Variants in DIP2A observed in about 807,000 individuals in gnomAD.
The protein encoded by DIP2A is DIP2 acetate--CoA ligase A, also known as disco-interacting protein 2 homolog A.
Under a neutral mutation model 177.4 loss-of-function variants are expected in DIP2A, and 85 were observed. That is an observed-to-expected ratio of 0.48 (90% CI 0.40 to 0.57). DIP2A has a LOEUF of 0.57. DIP2A is among the 20% of genes least tolerant of loss of function. The probability of loss-of-function intolerance (pLI) is 0.00; values close to 1 mark genes in which losing one functional copy is unlikely to be tolerated. For missense variants in DIP2A, 1,791 were observed against 2,100.2 expected (o/e 0.85, Z 2.88); for synonymous variants, 886 against 881.8 (o/e 1.00, Z -0.08).
At chr21:46,550,497 A>G (rs1200379395) in intron 22 of DIP2A, 46 bp from the exon 23 acceptor site, 1 of 1,573,194 alleles carries the variant, frequency 6.4e-7, no homozygotes, top group Non-Finnish European at 8.6e-7. Context: ...GCATCTCCCC[A>G]GCCTCAAGTT....
At chr21:46,555,765 G>C in intron 28 of DIP2A, 1 of 566,356 alleles carries the variant, frequency 1.8e-6, no homozygotes, top group Non-Finnish European at 3.2e-6. Context: ...CACAGGCTCA[G>C]TGTGGTCTTG....
At chr21:46,497,344 A>C (rs2057413910) in intron 4 of DIP2A, among the ~76,000 whole-genome samples, 1 of 152,060 alleles carries the variant, frequency 6.6e-6, no homozygotes, top group South Asian at 2.1e-4. Flanking sequence ...TGTGGATCTT[A>C]ATTTCTTTTA....
chr21:46,546,656 G>A (rs934081753), intron 20 of DIP2A, among the ~76,000 whole-genome samples: 13 of 152,040 alleles, frequency 8.6e-5, no homozygotes, highest in Non-Finnish European at 1.8e-4. Context: ...CTTTCACATA[G>A]CCTGCCCCTT....
chr21:46,549,924 C>T (rs1452843199), intron 22 of DIP2A, 39 bp downstream of exon 22: 3 of 1,604,718 alleles, frequency 1.9e-6, no homozygotes, highest in African/African-American at 2.7e-5. Flanking sequence ...GGTGAATCTC[C>T]CAAGCTGGCA....
intron 23 of DIP2A, among the ~76,000 whole-genome samples, chr21:46,551,201 G>C (rs1440122780): frequency 6.6e-6 from 1 of 152,132 alleles, no homozygotes; most frequent in East Asian, 1.9e-4. Flanking sequence ...TTAGAGACTG[G>C]TTTAACTTTA....
At position 46,557,232 on chromosome 21, in the gene DIP2A, T is replaced by A; in HGVS notation, c.3629+163T>A. 1 of 758,244 alleles carries A rather than the reference T, an allele frequency of 1.3e-6. No individual in the cohort carries two copies. The highest frequency in any genetic ancestry group is 2.1e-6 in the Non-Finnish European group (1 of 486,230). 47.0% of individuals were successfully genotyped at this position (758,244 alleles called of 1,614,324 possible). Reference sequence around the variant, plus strand: ...GTGGGTTGGAGTCTGAGTCTGAAATTGAGTGAAAATACATTTTTCATTAAA... The same window carrying A: ...GTGGGTTGGAGTCTGAGTCTGAAATAGAGTGAAAATACATTTTTCATTAAA... On this transcript the variant is annotated intron_variant, in intron 30 of 37. Transcript: ENST00000417564. The surrounding 1 kb of genome is among the most constrained non-coding windows in gnomAD (Gnocchi z 6.0).
chr21:46,543,086 G>A (rs1165668941), intron 18 of DIP2A, among the ~76,000 whole-genome samples: 1 of 152,142 alleles, frequency 6.6e-6, no homozygotes, highest in Non-Finnish European at 1.5e-5. Context: ...CATACAAATG[G>A]CATCATTTTT....
chr21:46,515,346 C>T (rs192233704), intron 8 of DIP2A, among the ~76,000 whole-genome samples: 2 of 152,318 alleles, frequency 1.3e-5, no homozygotes, highest in Admixed American at 6.5e-5. Flanking sequence ...AATCTTGCTA[C>T]CTGTCTTTTC....
At chr21:46,559,362 T>C (rs2060589115) in intron 32 of DIP2A, among the ~76,000 whole-genome samples, 1 of 152,262 alleles carries the variant, frequency 6.6e-6, no homozygotes, top group Non-Finnish European at 1.5e-5. Context: ...AGAGCAGGGC[T>C]GAGTGCAGGT....
intron 7 of DIP2A, among the ~76,000 whole-genome samples, chr21:46,510,790 C>G (rs993044066): frequency 6.6e-6 from 1 of 151,908 alleles, no homozygotes; most frequent in African/African-American, 2.4e-5. Context: ...ACCACCACAC[C>G]TGGCTAATTT....
At chr21:46,577,002 G>A in the DIP2A span, among the ~76,000 whole-genome samples, 2 of 152,060 alleles carry the variant, frequency 1.3e-5, no homozygotes, top group Non-Finnish European at 2.9e-5. Context: ...TTTGTTTTAA[G>A]TTCCTTGTAG....
chr21:46,545,007 C>T (rs1469837230), intron 18 of DIP2A, 130 bp from the exon 19 acceptor site: 4 of 742,502 alleles, frequency 5.4e-6, no homozygotes, highest in East Asian at 3.0e-5. Flanking sequence ...TGTCATAAAA[C>T]TCCTTATAAG....
intron 8 of DIP2A, among the ~76,000 whole-genome samples, chr21:46,526,348 G>A (rs1440946180): frequency 6.7e-6 from 1 of 150,266 alleles, no homozygotes; most frequent in Non-Finnish European, 1.5e-5. Flanking sequence ...TACTTAGTGT[G>A]TGTGTGTTTT....
At chr21:46,495,270 CTCTCTCTCTG>C in intron 3 of DIP2A, among the ~76,000 whole-genome samples, 1 of 143,590 alleles carries the variant, frequency 7.0e-6, no homozygotes, top group African/African-American at 2.7e-5. Flanking sequence ...CTCTCTCTCT[CTCTCTCTCTG>C]TTTTTGAGAT....
At chr21:46,470,929 GAAAAAAAAAA>G (rs61607316) in intron 1 of DIP2A, among the ~76,000 whole-genome samples, 1 of 82,876 alleles carries the variant, frequency 1.2e-5, no homozygotes, top group Non-Finnish European at 2.9e-5. Flanking sequence ...TTCTGTTTCA[GAAAAAAAAAA>G]AAAAAAAAGA....
chr21:46,478,176 G>A (rs1396572732), intron 1 of DIP2A, among the ~76,000 whole-genome samples: 1 of 151,602 alleles, frequency 6.6e-6, no homozygotes, highest in Non-Finnish European at 1.5e-5. Context: ...ATATACTTTG[G>A]AATCAGCTTG....
At chr21:46,549,366 T>C (rs2060183022) in intron 21 of DIP2A, among the ~76,000 whole-genome samples, 1 of 152,140 alleles carries the variant, frequency 6.6e-6, no homozygotes, top group Non-Finnish European at 1.5e-5. Flanking sequence ...TAAAAACACG[T>C]CTAAATATAC....
chr21:46,473,112 A>G (rs995233833), intron 1 of DIP2A, among the ~76,000 whole-genome samples: 2 of 152,240 alleles, frequency 1.3e-5, no homozygotes, highest in East Asian at 1.9e-4. Flanking sequence ...AAGAAATACC[A>G]TGAAAATACA....
At chr21:46,500,167 T>C (rs746264070) in intron 5 of DIP2A, among the ~76,000 whole-genome samples, 5 of 152,226 alleles carry the variant, frequency 3.3e-5, no homozygotes, top group African/African-American at 1.2e-4. Flanking sequence ...TGTGTTTCCA[T>C]TGAACATGTG....
Sources: gnomAD v4.1 joint callset for allele counts (sites outside exome capture counted in the v4.1 genomes callset) on GRCh38, gnomAD v4.1.1 for gene constraint, Gnocchi (gnomAD v3.1) non-coding constraint, MANE v1.5 for transcripts, NCBI Gene and HGNC (gene_info 2026-07-23, HGNC 2026-07-21) for gene names.